The following NAT1 variants were observed in gnomAD, a reference collection of about 807,000 sequenced individuals.
NAT1 encodes arylamine N-acetyltransferase 1.
For missense variants in NAT1, 400 were observed against 339.2 expected (o/e 1.18, Z -1.41); for synonymous variants, 144 against 122.6 (o/e 1.17, Z -1.16).
rs116420645 is a variant in NAT1, at chr8:18,176,431, T to G, written n.92+5692T>G. ...TGAGTGTGAGATAAGTATATCCACA[T>G]GTAGAAGAATGCCATTTATTAAAAT... On this transcript the variant is annotated intron_variant and non_coding_transcript_variant, in intron 2 of 4. Transcript: ENST00000517441. Among the ~76,000 whole-genome samples, 668 of 152,254 alleles carry G rather than the reference T, an allele frequency of 4.4e-3. 6 individuals are homozygous for G. Among genetic ancestry groups the G allele is most frequent in the African/African-American group, 0.014 (602 of 41,556 alleles).
At chr8:18,194,375 A>T (rs1803144449) in intron 2 of NAT1, among the ~76,000 whole-genome samples, 1 of 152,172 alleles carries the variant, frequency 6.6e-6, no homozygotes, top group South Asian at 2.1e-4. Context: ...GATGACAATT[A>T]GGATTTCTCA....
Position 18,222,667 on chromosome 8 carries a change from C to A in NAT1, c.620C>A (p.Thr207Lys), listed in dbSNP as rs4987195. 1.9e-5 allele frequency: 31 copies of A among 1,613,882 alleles called. No individual in the cohort carries two copies. The highest frequency in any genetic ancestry group is 2.6e-5 in the Non-Finnish European group (31 of 1,179,960). Residue 207 changes from threonine to lysine, a missense_variant, in exon 3 of 3, where the codon ACA becomes AAA. Physicochemically the swap from Thr to Lys is moderately conservative, Grantham distance 78. Transcript: ENST00000307719. ...ATTGAAGATTTTGAGTCTATGAATA[C>A]ATACCTGCAGACATCTCCATCATCT... ...RTIEDFESMN[T>K]YLQTSPSSVF...
chr8:18,203,547 G>T (rs879928206), intron 2 of NAT1, among the ~76,000 whole-genome samples: 2 of 152,136 alleles, frequency 1.3e-5, no homozygotes, highest in Non-Finnish European at 2.9e-5. Context: ...TAGATTTCAG[G>T]CTCTAAACAA....
intron 2 of NAT1, among the ~76,000 whole-genome samples, chr8:18,220,964 G>A (rs1458883258): frequency 6.6e-6 from 1 of 152,164 alleles, no homozygotes; most frequent in Non-Finnish European, 1.5e-5. Flanking sequence ...TCTCTACACA[G>A]TATCCAGAAA....
chr8:18,188,795 G>C (rs1377308832), intron 2 of NAT1, among the ~76,000 whole-genome samples: 1 of 151,596 alleles, frequency 6.6e-6, no homozygotes, highest in Non-Finnish European at 1.5e-5. Flanking sequence ...AGGAGTTCAA[G>C]ACCAGCCTGG....
intron 2 of NAT1, among the ~76,000 whole-genome samples, chr8:18,199,677 C>T (rs951372711): frequency 6.6e-6 from 1 of 152,106 alleles, no homozygotes; most frequent in Non-Finnish European, 1.5e-5. Flanking sequence ...GAGAACATGA[C>T]CTTTGAGTGT....
At chr8:18,182,175 C>T (rs1802548343) in intron 2 of NAT1, among the ~76,000 whole-genome samples, 1 of 152,144 alleles carries the variant, frequency 6.6e-6, no homozygotes, top group South Asian at 2.1e-4. Flanking sequence ...CACCTGATTT[C>T]TTTAGCTCTT....
chr8:18,186,951 G>T (rs1174293986), intron 2 of NAT1, among the ~76,000 whole-genome samples: 1 of 152,156 alleles, frequency 6.6e-6, no homozygotes, highest in Non-Finnish European at 1.5e-5. Flanking sequence ...CCCCTGGCTA[G>T]AGGTCAAATT....
upstream of NAT1, among the ~76,000 whole-genome samples, chr8:18,205,863 T>C (rs1051229062): frequency 6.6e-6 from 1 of 152,118 alleles, no homozygotes; most frequent in Non-Finnish European, 1.5e-5. Flanking sequence ...GCTGGGGCCC[T>C]GGGAGAGGCC....
At chr8:18,213,987 G>T (rs781759751) in intron 1 of NAT1, among the ~76,000 whole-genome samples, 2 of 151,910 alleles carry the variant, frequency 1.3e-5, no homozygotes, top group African/African-American at 2.4e-5. Context: ...CTAACTTTTT[G>T]TATTTTTAGT....
upstream of NAT1, among the ~76,000 whole-genome samples, chr8:18,208,832 A>G (rs982702931): frequency 2.6e-5 from 4 of 152,194 alleles, no homozygotes; most frequent in African/African-American, 9.7e-5. Flanking sequence ...GAAATCTGCT[A>G]CCTCAGCAGG....
At chr8:18,189,395 G>A (rs572388475) in intron 2 of NAT1, among the ~76,000 whole-genome samples, 9 of 152,060 alleles carry the variant, frequency 5.9e-5, no homozygotes, top group Non-Finnish European at 1.0e-4. Context: ...AGAGTAGTAC[G>A]AGATGGGAAA....
chr8:18,171,058 C>A (rs1802079185), intron 2 of NAT1, among the ~76,000 whole-genome samples: 1 of 152,096 alleles, frequency 6.6e-6, no homozygotes, highest in African/African-American at 2.4e-5. Context: ...TAATTTTGAT[C>A]TTTTCGGCAT....
Position 18,210,188 on chromosome 8 carries a change from G to A in NAT1, c.-86+8G>A, listed in dbSNP as rs28359483. 11 of 152,358 alleles carry A rather than the reference G, an allele frequency of 7.2e-5. No individual in the cohort carries two copies. Among genetic ancestry groups the A allele is most frequent in the Non-Finnish European group, 1.5e-4 (10 of 68,074 alleles). The allele number at this position is 152,358 out of a possible 1,614,324, so 9.4% of individuals were successfully genotyped here. Reference sequence around the variant, plus strand: ...GCCGGCTGAAATAACCTGGTAAGTGGAACTCTGTAAGGGGCTTTGAAATTG... The same window carrying A: ...GCCGGCTGAAATAACCTGGTAAGTGAAACTCTGTAAGGGGCTTTGAAATTG... On this transcript the variant is annotated splice_region_variant and intron_variant, in intron 1 of 2. Coordinates refer to ENST00000307719, the MANE Select transcript of NAT1 (RefSeq NM_000662.8).
At chr8:18,210,023 TG>T (rs891750900), upstream of NAT1, 1 of 152,082 alleles carries the variant, frequency 6.6e-6, no homozygotes, top group Non-Finnish European at 1.5e-5. Flanking sequence ...CAGGGGCCCC[TG>T]GGGTAACCCT....
chr8:18,170,861 T>A (rs774186364), intron 2 of NAT1: 1 of 151,946 alleles, frequency 6.6e-6, no homozygotes, highest in Non-Finnish European at 1.5e-5. Flanking sequence ...TCCACGTTTA[T>A]CTCAGCGACC....
chr8:18,182,594 A>T (rs1478423222), intron 2 of NAT1, among the ~76,000 whole-genome samples: 2 of 152,148 alleles, frequency 1.3e-5, no homozygotes, highest in African/African-American at 4.8e-5. Context: ...TGAGTGGGTC[A>T]TTTCTGAGCT....
rs549369315 is a variant in NAT1 at position 18,193,705 on chromosome 8, G to T, written n.93-16076G>T. 2.4e-5 allele frequency among the ~76,000 whole-genome samples: 3 copies of T among 125,756 alleles called. No homozygotes were observed. The East Asian group carries it at 8.1e-4, about 34-fold the overall frequency. The allele number at this position is 125,756 out of a possible 152,430, so 82.5% of individuals were successfully genotyped here. ...CACCCAGGCTGGAGTGCAATGGTACGATCTCAGCTCACTACAACCTCCGCC... is the reference window on the plus strand; with the variant it reads ...CACCCAGGCTGGAGTGCAATGGTACTATCTCAGCTCACTACAACCTCCGCC... On this transcript the variant is annotated intron_variant and non_coding_transcript_variant, in intron 2 of 4. Coordinates refer to the NAT1 transcript ENST00000517441.
upstream of NAT1, among the ~76,000 whole-genome samples, chr8:18,205,160 G>A (rs968899491): frequency 5.3e-5 from 8 of 152,208 alleles, no homozygotes; most frequent in African/African-American, 1.9e-4. Flanking sequence ...TTGCTCACAC[G>A]TGCCAGCAGC....
Sources: gnomAD v4.1 joint callset for allele counts (sites outside exome capture counted in the v4.1 genomes callset) on GRCh38, gnomAD v4.1.1 for gene constraint, MANE v1.5 for transcripts, NCBI Gene and HGNC (gene_info 2026-07-23, HGNC 2026-07-21) for gene names.